Variants in PHTF2 observed in about 807,000 individuals in gnomAD.
PHTF2 encodes the protein protein PHTF2.
A neutral mutation model predicts 101.2 loss-of-function variants in PHTF2; 60 were observed. That is an observed-to-expected ratio of 0.59 (90% CI 0.48 to 0.73). The LOEUF is 0.73. Ranked by LOEUF, PHTF2 falls within the 30% of genes least tolerant of loss-of-function variation. The probability of loss-of-function intolerance (pLI) is 0.00; values close to 1 mark genes in which losing one functional copy is unlikely to be tolerated. For missense variants in PHTF2, 747 were observed against 908.7 expected (o/e 0.82, Z 2.29); for synonymous variants, 311 against 307.3 (o/e 1.01, Z -0.13).
At chr7:77,929,365 C>T (rs746538154) in intron 12 of PHTF2, 38 bp downstream of exon 11, 1 of 994,050 alleles carries the variant, frequency 1.0e-6, no homozygotes, top group Non-Finnish European at 1.6e-6. Context: ...AGCTATGAGT[C>T]AAGCTCCTTT....
At chr7:77,922,673 A>G (rs1803584992) in exon 11 of PHTF2, 2 of 1,610,360 alleles carry the variant, frequency 1.2e-6, no homozygotes, top group Non-Finnish European at 1.7e-6. Flanking sequence ...CCAGTGAGGA[A>G]GGTCCTGAAA....
intron 1 of PHTF2, among the ~76,000 whole-genome samples, chr7:77,804,060 C>G (rs1792780551): frequency 6.6e-6 from 1 of 152,102 alleles, no homozygotes; most frequent in Non-Finnish European, 1.5e-5. Context: ...TGACTACTTT[C>G]TTACTTATTT....
Position 77,828,613 on chromosome 7 carries a change from C to T in PHTF2, c.-35-11608C>T, listed in dbSNP as rs1199974169. ...ATCACTTGAGGTCAAGAGTTCAAGA[C>T]CAGCTTGGCCAACATGGTGAAACCC... is the stretch of plus-strand genomic sequence containing the variant. On this transcript the variant is annotated intron_variant, in intron 1 of 19. Coordinates refer to ENST00000416283, the Ensembl canonical transcript of PHTF2. Among the ~76,000 whole-genome samples, 8 of 151,970 alleles carry T rather than the reference C, an allele frequency of 5.3e-5. 1 individual carries two copies. Among genetic ancestry groups the T allele is most frequent in the Admixed American group, 6.6e-5 (1 of 15,260 alleles).
At chr7:77,913,271 C>A (rs1433819588) in intron 9 of PHTF2, among the ~76,000 whole-genome samples, 1 of 151,404 alleles carries the variant, frequency 6.6e-6, no homozygotes, top group Non-Finnish European at 1.5e-5. Context: ...GCCTATAATC[C>A]CAGCTATTTG....
In PHTF2 at chr7:77,866,088, G is replaced by A. The variant is rs1584529197; in HGVS notation, c.147+11254G>A. On this transcript the variant is annotated intron_variant, in intron 3 of 19. Coordinates refer to ENST00000416283, the Ensembl canonical transcript of PHTF2. ...AGTCCCAGCTATTTGGGAGGCCGAGGCAGGAGAATCACTTGAACTTGGGAG... is the reference window on the plus strand; with the variant it reads ...AGTCCCAGCTATTTGGGAGGCCGAGACAGGAGAATCACTTGAACTTGGGAG... Among the ~76,000 whole-genome samples the A allele has an allele frequency of 4.0e-5, 6 of 150,062 alleles. No homozygotes were observed. In the South Asian group the frequency reaches 1.1e-3, roughly 26 times the overall value.
At chr7:77,870,491 C>T (rs772926358) in intron 3 of PHTF2, among the ~76,000 whole-genome samples, 1 of 152,056 alleles carries the variant, frequency 6.6e-6, no homozygotes, top group South Asian at 2.1e-4. Flanking sequence ...GAGGCTAGGC[C>T]AGGCCAGTCT....
chr7:77,846,541 T>C (rs922528819), intron 2 of PHTF2, among the ~76,000 whole-genome samples: 3 of 131,084 alleles, frequency 2.3e-5, no homozygotes, highest in East Asian at 2.2e-4. Flanking sequence ...TAGTTTCCCT[T>C]CCCTTCCCTC....
intron 9 of PHTF2, among the ~76,000 whole-genome samples, chr7:77,915,386 A>AT (rs557102082): frequency 1.4e-3 from 218 of 151,260 alleles, no homozygotes; most frequent in Non-Finnish European, 2.5e-3. Flanking sequence ...TAATTTTTGT[A>AT]TTTTTTAGTA....
intron 5 of PHTF2, 33 bp downstream of exon 4, chr7:77,894,026 A>T (rs1466425647): frequency 6.6e-7 from 1 of 1,523,900 alleles, no homozygotes; most frequent in African/African-American, 1.4e-5. Context: ...CGCCTGAGTG[A>T]TCCTGTGCAA....
rs796210660 is a variant in PHTF2, at chr7:77,932,625, T to A, written c.1338+3298T>A. On this transcript the variant is annotated intron_variant, in intron 12 of 19. Transcript: ENST00000416283. ...GAAAGAGAGAGAGAGAGAGAGAGTG[T>A]GTGTGTGTGTGTGTGTGTGTGTGTG... is the stretch of plus-strand genomic sequence containing the variant. Among the ~76,000 whole-genome samples, 858 of 126,192 alleles carry A rather than the reference T, an allele frequency of 6.8e-3. 4 individuals carry two copies. The highest frequency in any genetic ancestry group is 0.011 in the African/African-American group (281 of 26,308). The allele number at this position is 126,192 out of a possible 152,430, so 82.8% of individuals were successfully genotyped here. A position where few individuals can be genotyped will look rare whatever the true frequency, so the allele number is the denominator to read the frequency against.
intron 3 of PHTF2, among the ~76,000 whole-genome samples, chr7:77,880,504 C>A (rs1799317520): frequency 6.6e-6 from 1 of 152,150 alleles, no homozygotes; most frequent in Admixed American, 6.5e-5. Flanking sequence ...AGATGTCTTA[C>A]AAGTGGATGC....
chr7:77,898,817 T>C (rs1349204600), intron 5 of PHTF2, among the ~76,000 whole-genome samples: 1 of 152,162 alleles, frequency 6.6e-6, no homozygotes, highest in African/African-American at 2.4e-5. Context: ...TTATATTGTT[T>C]GGGACAGAGT....
At chr7:77,936,511 C>A (rs1350275731) in intron 12 of PHTF2, among the ~76,000 whole-genome samples, 1 of 151,722 alleles carries the variant, frequency 6.6e-6, no homozygotes, top group Non-Finnish European at 1.5e-5. Flanking sequence ...CCCGTCTCTA[C>A]AAAAATTTAA....
intron 1 of PHTF2, among the ~76,000 whole-genome samples, chr7:77,831,370 A>G (rs1436461390): frequency 6.6e-6 from 1 of 152,256 alleles, no homozygotes; most frequent in Non-Finnish European, 1.5e-5. Flanking sequence ...TGAAGAGTTG[A>G]TCCTGCCTGC....
chr7:77,879,372 C>G (rs1799217136), intron 3 of PHTF2, among the ~76,000 whole-genome samples: 1 of 152,022 alleles, frequency 6.6e-6, no homozygotes, highest in Non-Finnish European at 1.5e-5. Context: ...ATATGGCCAA[C>G]CCCTCATGGC....
intron 16 of PHTF2, among the ~76,000 whole-genome samples, chr7:77,949,370 C>A (rs903585149): frequency 6.6e-6 from 1 of 151,782 alleles, no homozygotes; most frequent in Non-Finnish European, 1.5e-5. Context: ...TTCATTACTT[C>A]TGGGGTGGGA....
chr7:77,891,603 TG>T (rs968973602), intron 3 of PHTF2, among the ~76,000 whole-genome samples: 1 of 148,792 alleles, frequency 6.7e-6, no homozygotes, highest in African/African-American at 2.5e-5. Context: ...GTTTGTTTTT[TG>T]TTTGAGGCAG....
At chr7:77,945,922 C>A (rs1303643059) in intron 16 of PHTF2, among the ~76,000 whole-genome samples, 1 of 152,082 alleles carries the variant, frequency 6.6e-6, no homozygotes, top group Admixed American at 6.6e-5. Context: ...CCTAAACTTA[C>A]ACAAAAGATC....
At chr7:77,897,785 A>T (rs1233292169) in intron 5 of PHTF2, among the ~76,000 whole-genome samples, 4 of 152,102 alleles carry the variant, frequency 2.6e-5, no homozygotes, top group Non-Finnish European at 4.4e-5. Flanking sequence ...GGTTCAAGCG[A>T]TTCTCCTGCC....
Sources: gnomAD v4.1 joint callset for allele counts (sites outside exome capture counted in the v4.1 genomes callset) on GRCh38, gnomAD v4.1.1 for gene constraint, MANE v1.5 for transcripts, NCBI Gene and HGNC (gene_info 2026-07-23, HGNC 2026-07-21) for gene names.